The following SCOC variants were observed in gnomAD, a reference collection of about 807,000 sequenced individuals.
SCOC encodes short coiled coil protein.
In SCOC, 7 loss-of-function variants were observed where a neutral mutation model predicts 9.9. The ratio of observed to expected loss-of-function variants is 0.71; its 90% confidence interval spans 0.40 to 1.33. SCOC has a LOEUF of 1.33. Among genes scored for constraint, SCOC ranks in the 40% most tolerant of loss-of-function variants. The pLI is 0.01. For synonymous variants in SCOC, 19 were observed against 28.2 expected (o/e 0.67, Z 1.03); for missense variants, 66 against 89.7 (o/e 0.74, Z 1.07).
chr4:140,358,928 T>C (rs1471965803), intron 2 of SCOC, among the ~76,000 whole-genome samples: 1 of 152,230 alleles, frequency 6.6e-6, no homozygotes, highest in African/African-American at 2.4e-5. Context: ...AAGAACTCTT[T>C]GATTTATGAA....
In SCOC at chr4:140,314,840, C is replaced by T. The variant is rs527623784; in HGVS notation, c.-18-28781C>T. ...AGGGGTGCCACTGGGATCTGAGAGC[C>T]CGAACAGCTGTGAACTCCACCCCCC... On this transcript the variant is annotated intron_variant, in intron 1 of 4. Transcript: ENST00000394205. Among the ~76,000 whole-genome samples, 20 of 152,170 alleles carry T rather than the reference C, an allele frequency of 1.3e-4. No homozygotes were observed. The South Asian group carries it at 3.1e-3, about 24-fold the overall frequency.
intron 1 of SCOC, among the ~76,000 whole-genome samples, chr4:140,319,387 G>C (rs1309557522): frequency 1.3e-5 from 2 of 152,112 alleles, no homozygotes; most frequent in African/African-American, 4.8e-5. Flanking sequence ...CACTGTGCCT[G>C]GCCCAAAACC....
chr4:140,274,117 TC>T (rs1434170771), intron 1 of SCOC, among the ~76,000 whole-genome samples: 43 of 152,312 alleles, frequency 2.8e-4, no homozygotes, highest in African/African-American at 1.0e-3. Context: ...AAGAAGCAAT[TC>T]CTAAGCTACT....
chr4:140,366,097 T>C (rs1410854603), intron 2 of SCOC: 1 of 359,656 alleles, frequency 2.8e-6, no homozygotes, highest in African/African-American at 2.1e-5. Context: ...AAGATCATGT[T>C]TGTATAATGC....
intron 1 of SCOC, among the ~76,000 whole-genome samples, chr4:140,287,001 A>T (rs145813683): frequency 7.9e-5 from 12 of 152,204 alleles, no homozygotes; most frequent in African/African-American, 2.9e-4. Context: ...CACACAGACC[A>T]TACACATACA....
intron 1 of SCOC, among the ~76,000 whole-genome samples, chr4:140,277,668 A>G (rs1213342799): frequency 6.6e-6 from 1 of 152,244 alleles, no homozygotes; most frequent in Non-Finnish European, 1.5e-5. Context: ...TCCAATTTTT[A>G]GTAAAAAAGC....
chr4:140,293,353 G>A (rs1028408840), intron 1 of SCOC: 1 of 456,884 alleles, frequency 2.2e-6, no homozygotes, highest in Non-Finnish European at 4.4e-6. Context: ...GTCACTCCTG[G>A]TGTGTCTTGT....
intron 1 of SCOC, among the ~76,000 whole-genome samples, chr4:140,314,842 G>C (rs549237524): frequency 3.3e-5 from 5 of 152,092 alleles, no homozygotes; most frequent in Non-Finnish European, 2.9e-5. Flanking sequence ...CTGAGAGCCC[G>C]AACAGCTGTG....
At chr4:140,378,858 CT>C (rs1728453176) in intron 1 of SCOC, among the ~76,000 whole-genome samples, 1 of 152,030 alleles carries the variant, frequency 6.6e-6, no homozygotes, top group African/African-American at 2.4e-5. Context: ...TTCCATAACT[CT>C]TTGCTAGTAT....
At chr4:140,268,061 CTGTTA>C (rs1167522041) in intron 1 of SCOC, among the ~76,000 whole-genome samples, 1 of 152,158 alleles carries the variant, frequency 6.6e-6, no homozygotes, top group African/African-American at 2.4e-5. Flanking sequence ...ACGACATAAG[CTGTTA>C]TCTTAAGGGA....
At chr4:140,337,244 G>T (rs946039869) in intron 1 of SCOC, among the ~76,000 whole-genome samples, 4 of 152,052 alleles carry the variant, frequency 2.6e-5, no homozygotes, top group Non-Finnish European at 1.5e-5. Context: ...TAATTTTTAT[G>T]AAGTCCAATT....
At chr4:140,277,344 T>C (rs1731007449) in intron 1 of SCOC, among the ~76,000 whole-genome samples, 1 of 152,146 alleles carries the variant, frequency 6.6e-6, no homozygotes, top group African/African-American at 2.4e-5. Flanking sequence ...GGAGCTGTTG[T>C]GAATCACCAA....
chr4:140,352,385 G>A (rs1727019626), intron 2 of SCOC, among the ~76,000 whole-genome samples: 1 of 152,156 alleles, frequency 6.6e-6, no homozygotes, highest in Non-Finnish European at 1.5e-5. Context: ...GTTCCTGTAA[G>A]CTAAAGATAA....
chr4:140,364,416 G>A (rs958293751), intron 2 of SCOC, among the ~76,000 whole-genome samples: 1 of 152,086 alleles, frequency 6.6e-6, no homozygotes, highest in Non-Finnish European at 1.5e-5. Flanking sequence ...AAATCATTGA[G>A]GAGACAGAAT....
intron 2 of SCOC, among the ~76,000 whole-genome samples, chr4:140,346,429 T>TGTC (rs916353884): frequency 4.6e-5 from 7 of 152,186 alleles, no homozygotes; most frequent in Non-Finnish European, 8.8e-5. Flanking sequence ...CCTGTGTGAC[T>TGTC]GGTCAGACCT....
intron 1 of SCOC, among the ~76,000 whole-genome samples, chr4:140,317,067 C>T (rs1263633118): frequency 6.6e-6 from 1 of 152,102 alleles, no homozygotes; most frequent in East Asian, 1.9e-4. Context: ...ACGAACACTT[C>T]CGTTGTCCAT....
chr4:140,320,146 T>C (rs1224092676), intron 1 of SCOC, among the ~76,000 whole-genome samples: 9 of 152,114 alleles, frequency 5.9e-5, no homozygotes, highest in Admixed American at 5.9e-4. Context: ...ATAAAACAGA[T>C]TGCAGTAAAG....
chr4:140,262,967 C>G lies in SCOC; in HGVS notation c.-19+5557C>G, dbSNP rs528191629. The stretch of plus-strand genomic sequence containing the variant: ...TCCAATCACCTCCTGCCAGGCCCCC[C>G]CTCCAACCCTGAGGATCACAACTCG... On this transcript the variant is annotated intron_variant, in intron 1 of 4. Coordinates refer to the SCOC transcript ENST00000394205. Among the ~76,000 whole-genome samples the G allele has an allele frequency of 1.8e-4, 28 of 152,290 alleles. 2 individuals carry two copies. In the South Asian group the frequency reaches 4.6e-3, roughly 25 times the overall value.
chr4:140,368,042 A>G (rs1578870790), intron 2 of SCOC, among the ~76,000 whole-genome samples: 1 of 152,370 alleles, frequency 6.6e-6, no homozygotes, highest in Non-Finnish European at 1.5e-5. Flanking sequence ...CAGGAAAGTG[A>G]CTAACTCCCT....
Sources: allele counts gnomAD v4.1 joint callset (sites outside exome capture counted in the v4.1 genomes callset), GRCh38; gene constraint gnomAD v4.1.1; transcripts MANE v1.5; gene names NCBI Gene and HGNC (gene_info 2026-07-23, HGNC 2026-07-21).